SLX4IP: variants seen among roughly 807,000 people sequenced by gnomAD.
SLX4IP encodes SLX4 interacting protein.
A neutral mutation model predicts 32.9 loss-of-function variants in SLX4IP; 34 were observed. That is an observed-to-expected ratio of 1.03 (90% CI 0.79 to 1.38). The LOEUF (loss-of-function observed/expected upper bound fraction) is 1.38, where lower values mean the gene tolerates loss of function less well. SLX4IP is among the 40% of genes most tolerant of loss of function. The pLI, the probability that SLX4IP is intolerant of heterozygous loss-of-function variation, is 0.00. For synonymous variants in SLX4IP, 172 were observed against 171.7 expected (o/e 1.00, Z -0.01); for missense variants, 444 against 479.0 (o/e 0.93, Z 0.68).
intron 2 of SLX4IP, among the ~76,000 whole-genome samples, chr20:10,518,765 TG>T (rs1235705940): frequency 6.6e-6 from 1 of 151,904 alleles, no homozygotes; most frequent in Non-Finnish European, 1.5e-5. Flanking sequence ...AGACGGGGTT[TG>T]GCTATGTAAC....
At chr20:10,540,806 G>T (rs1282990821) in intron 2 of SLX4IP, among the ~76,000 whole-genome samples, 1 of 152,138 alleles carries the variant, frequency 6.6e-6, no homozygotes, top group Admixed American at 6.5e-5. Context: ...TGGGTCAGAG[G>T]AAGAAAAACT....
chr20:10,464,171 G>T (rs1045499955), intron 2 of SLX4IP, among the ~76,000 whole-genome samples: 6 of 152,024 alleles, frequency 3.9e-5, no homozygotes, highest in Non-Finnish European at 7.4e-5. Context: ...AGGCAGAAGA[G>T]GCCATTTTGT....
At chr20:10,489,824 G>T (rs1249624691) in intron 2 of SLX4IP, among the ~76,000 whole-genome samples, 4 of 152,206 alleles carry the variant, frequency 2.6e-5, no homozygotes, top group Non-Finnish European at 5.9e-5. Flanking sequence ...GCTAAGTTAA[G>T]ATAGTGGTAT....
chr20:10,456,557 G>A (rs1401159068), intron 1 of SLX4IP, among the ~76,000 whole-genome samples: 1 of 152,034 alleles, frequency 6.6e-6, no homozygotes. Context: ...GGCCAGGCTG[G>A]TCTCGAACTC....
chr20:10,524,746 GATCTT>G (rs1489319988), intron 2 of SLX4IP, among the ~76,000 whole-genome samples: 1 of 152,154 alleles, frequency 6.6e-6, no homozygotes, highest in East Asian at 1.9e-4. Flanking sequence ...CCTGCCATTT[GATCTT>G]ATCTTTTCAA....
At chr20:10,578,022 A>G (rs2122522182) in intron 4 of SLX4IP, among the ~76,000 whole-genome samples, 1 of 152,370 alleles carries the variant, frequency 6.6e-6, no homozygotes, top group Admixed American at 6.5e-5. Context: ...TGAGGAACAC[A>G]GTTGTCAACA....
chr20:10,618,856 G>A (rs1475272193), intron 6 of SLX4IP, among the ~76,000 whole-genome samples: 3 of 138,852 alleles, frequency 2.2e-5, no homozygotes, highest in Non-Finnish European at 4.5e-5. Flanking sequence ...GAAGCCTTTA[G>A]TAATCAGGAT....
At chr20:10,562,183 C>G (rs1263840687) in intron 4 of SLX4IP, among the ~76,000 whole-genome samples, 1 of 152,186 alleles carries the variant, frequency 6.6e-6, no homozygotes, top group Non-Finnish European at 1.5e-5. Context: ...TGCCTTATCT[C>G]AAGGACAGAG....
chr20:10,592,691 G>A (rs1347366153), intron 4 of SLX4IP, among the ~76,000 whole-genome samples: 1 of 122,886 alleles, frequency 8.1e-6, no homozygotes, highest in Non-Finnish European at 1.6e-5. Flanking sequence ...CCGGAGTGCA[G>A]TGCCATGATC....
intron 1 of SLX4IP, among the ~76,000 whole-genome samples, chr20:10,438,486 T>G (rs940943514): frequency 2.7e-5 from 4 of 147,164 alleles, no homozygotes; most frequent in Admixed American, 1.4e-4. Context: ...TTTTTTTTTT[T>G]TTTTTTTTTG....
chr20:10,584,290 T>G (rs898151347), intron 4 of SLX4IP, among the ~76,000 whole-genome samples: 5 of 152,252 alleles, frequency 3.3e-5, no homozygotes, highest in African/African-American at 4.8e-5. Context: ...TTCAGTAGTT[T>G]AGGCCTTGAG....
At chr20:10,574,525 A>G (rs2122518190) in intron 4 of SLX4IP, among the ~76,000 whole-genome samples, 1 of 152,242 alleles carries the variant, frequency 6.6e-6, no homozygotes, top group Non-Finnish European at 1.5e-5. Context: ...TTATGGTGAC[A>G]CAACTCCAGT....
intron 6 of SLX4IP, among the ~76,000 whole-genome samples, chr20:10,603,201 T>C (rs1415914928): frequency 1.3e-5 from 2 of 152,234 alleles, no homozygotes; most frequent in Non-Finnish European, 1.5e-5. Context: ...GAAAGTATTA[T>C]TACTTTCAAA....
chr20:10,529,923 C>T (rs571419291), intron 2 of SLX4IP, among the ~76,000 whole-genome samples: 33 of 152,246 alleles, frequency 2.2e-4, no homozygotes, highest in African/African-American at 7.9e-4. Flanking sequence ...ATGCAGTCTA[C>T]AGAGGTTCCA....
intron 6 of SLX4IP, among the ~76,000 whole-genome samples, chr20:10,618,527 T>C (rs2067065742): frequency 6.6e-6 from 1 of 152,222 alleles, no homozygotes; most frequent in Non-Finnish European, 1.5e-5. Context: ...TTCCAGGTTG[T>C]AAGGAATCAT....
intron 2 of SLX4IP, among the ~76,000 whole-genome samples, chr20:10,473,442 G>C (rs998697969): frequency 6.6e-6 from 1 of 152,194 alleles, no homozygotes; most frequent in Admixed American, 6.5e-5. Flanking sequence ...AAAGTGTTTA[G>C]CACAGTACCA....
intron 1 of SLX4IP, among the ~76,000 whole-genome samples, chr20:10,437,044 G>T (rs1482806126): frequency 6.6e-6 from 1 of 151,960 alleles, no homozygotes; most frequent in East Asian, 1.9e-4. Context: ...GTTCAATACT[G>T]ACTTGGAAAA....
chr20:10,558,160 T>G (rs181697477), intron 3 of SLX4IP, among the ~76,000 whole-genome samples: 2 of 152,078 alleles, frequency 1.3e-5, no homozygotes, highest in Admixed American at 6.5e-5. Context: ...GGCAACATGG[T>G]GAACCCCCAT....
chr20:10,604,446 C>A (rs1600148213), intron 6 of SLX4IP, among the ~76,000 whole-genome samples: 1 of 151,204 alleles, frequency 6.6e-6, no homozygotes, highest in Non-Finnish European at 1.5e-5. Context: ...GTTAGGAAAT[C>A]TGGGAGCGTC....
Sources: gnomAD v4.1 joint callset for allele counts (sites outside exome capture counted in the v4.1 genomes callset) on GRCh38, gnomAD v4.1.1 for gene constraint, MANE v1.5 for transcripts, NCBI Gene and HGNC (gene_info 2026-07-23, HGNC 2026-07-21) for gene names.